Variants in TNFSF11 observed in about 807,000 individuals in gnomAD.
The protein encoded by TNFSF11 is tumor necrosis factor ligand superfamily member 11.
In TNFSF11, 12 loss-of-function variants were observed where a neutral mutation model predicts 32.2. The ratio of observed to expected loss-of-function variants is 0.37; its 90% confidence interval spans 0.24 to 0.60. The LOEUF is 0.60. TNFSF11 is among the 20% of genes least tolerant of loss of function. The pLI is 0.66. For missense variants in TNFSF11, 345 were observed against 398.0 expected (o/e 0.87, Z 1.13); for synonymous variants, 172 against 152.1 (o/e 1.13, Z -0.96).
At position 42,600,923 on chromosome 13, in the gene TNFSF11, C is replaced by G. The variant is rs766129528; in HGVS notation, c.474C>G (p.Ser158Arg). The G allele has an allele frequency of 6.2e-7, 1 of 1,614,126 alleles. No individual in the cohort carries two copies. The highest frequency in any genetic ancestry group is 1.1e-5 in the South Asian group (1 of 91,078). Residue 158 changes from serine (S) to arginine (R), a missense_variant, in exon 4 of 5, where the codon AGC becomes AGG. This residue lies in a region of TNFSF11 where 148 missense variants were observed against 216.0 expected (regional missense o/e 0.69). Transcript: ENST00000398795. ...CATGGTTAGATCTGGCCAAGAGGAG[C>G]AAGCTTGAAGCTCAGCCTTTTGCTC... is the stretch of plus-strand genomic sequence containing the variant. ...DGSWLDLAKR[S>R]KLEAQPFAHL...
chr13:42,594,201 C>CCATG (rs1256784763), intron 2 of TNFSF11, among the ~76,000 whole-genome samples: 1 of 151,972 alleles, frequency 6.6e-6, no homozygotes, highest in African/African-American at 2.4e-5. Flanking sequence ...GCCTTAGCCT[C>CCATG]CCGAGTACCT....
intron 2 of TNFSF11, among the ~76,000 whole-genome samples, chr13:42,582,652 T>C (rs890839003): frequency 6.6e-6 from 1 of 152,362 alleles, no homozygotes. Flanking sequence ...TACTTTTTCA[T>C]TATCATTAGT....
At chr13:42,567,296 G>A (rs1872904808) in intron 2 of TNFSF11, among the ~76,000 whole-genome samples, 1 of 152,156 alleles carries the variant, frequency 6.6e-6, no homozygotes, top group Non-Finnish European at 1.5e-5. Flanking sequence ...TTAGGAATAA[G>A]TCTGAGATAA....
At chr13:42,565,668 A>G (rs983952884) in intron 1 of TNFSF11, among the ~76,000 whole-genome samples, 1 of 152,250 alleles carries the variant, frequency 6.6e-6, no homozygotes, top group Non-Finnish European at 1.5e-5. Flanking sequence ...ATGGATGTTG[A>G]GGCTAAAGAC....
At chr13:42,602,777 T>G (rs1869248848) in intron 4 of TNFSF11, among the ~76,000 whole-genome samples, 2 of 152,246 alleles carry the variant, frequency 1.3e-5, no homozygotes. Flanking sequence ...ATCAGCTGTG[T>G]GTGCTATTAA....
At chr13:42,575,682 A>G (rs1873274957) in intron 1 of TNFSF11, among the ~76,000 whole-genome samples, 1 of 152,208 alleles carries the variant, frequency 6.6e-6, no homozygotes, top group South Asian at 2.1e-4. Context: ...TGCATTTTCT[A>G]GAACTAGTGT....
upstream of TNFSF11, among the ~76,000 whole-genome samples, chr13:42,572,513 A>G (rs1247451692): frequency 6.6e-6 from 1 of 152,148 alleles, no homozygotes; most frequent in Non-Finnish European, 1.5e-5. Flanking sequence ...GAGGGGGAGG[A>G]GGAGACAATA....
chr13:42,603,601 G>T (rs542191522), intron 4 of TNFSF11, among the ~76,000 whole-genome samples: 10 of 151,708 alleles, frequency 6.6e-5, no homozygotes, highest in Non-Finnish European at 1.3e-4. Context: ...CCTTTTCTCA[G>T]CCCATCCAAG....
chr13:42,597,855 C>A (rs6561062), intron 2 of TNFSF11, among the ~76,000 whole-genome samples: 134,907 of 152,008 alleles, frequency 0.89, 60,305 homozygotes, highest in East Asian at 1. Flanking sequence ...TCTTTCTTTT[C>A]TTTTCTTTTT....
At chr13:42,586,902 G>T (rs1873926247) in intron 2 of TNFSF11, among the ~76,000 whole-genome samples, 3 of 152,090 alleles carry the variant, frequency 2.0e-5, no homozygotes, top group Non-Finnish European at 4.4e-5. Context: ...TCATAATGTA[G>T]AATTCAGAAT....
At chr13:42,572,309 A>G (rs1873097920), upstream of TNFSF11, among the ~76,000 whole-genome samples, 1 of 152,248 alleles carries the variant, frequency 6.6e-6, no homozygotes, top group African/African-American at 2.4e-5. Context: ...AATTAAAAAC[A>G]TGTATAAAAC....
At chr13:42,584,230 G>C (rs1873776877) in intron 2 of TNFSF11, among the ~76,000 whole-genome samples, 1 of 152,190 alleles carries the variant, frequency 6.6e-6, no homozygotes, top group Admixed American at 6.5e-5. Context: ...GCGGCTTACT[G>C]TGTGTCTCTC....
chr13:42,584,927 A>G lies in TNFSF11; in HGVS notation c.387+3634A>G, dbSNP rs926061528. On this transcript the variant is annotated intron_variant, in intron 2 of 4. Transcript: ENST00000398795. Reference sequence around the variant, plus strand: ...GTTATACCAATGTGTGTTTGGAGGTAGAAGATGCCATTTCTTCCCCTTAGA... The same window carrying G: ...GTTATACCAATGTGTGTTTGGAGGTGGAAGATGCCATTTCTTCCCCTTAGA... 7.2e-5 allele frequency among the ~76,000 whole-genome samples: 11 copies of G among 152,356 alleles called. 1 individual carries two copies. The Middle Eastern group carries it at 0.01, about 141-fold the overall frequency.
chr13:42,575,068 G>C (rs371073713), intron 1 of TNFSF11, among the ~76,000 whole-genome samples: 5 of 152,266 alleles, frequency 3.3e-5, no homozygotes, highest in African/African-American at 1.2e-4. Context: ...TCGTGCCCAG[G>C]TCGCCCAATG....
chr13:42,572,266 C>T (rs1165337913), upstream of TNFSF11, among the ~76,000 whole-genome samples: 1 of 152,088 alleles, frequency 6.6e-6, no homozygotes, highest in African/African-American at 2.4e-5. Flanking sequence ...ATTTGAGGGA[C>T]TTTCTTGTAA....
At position 42,581,145 on chromosome 13, in the gene TNFSF11, C is replaced by T. The variant is rs138974661; in HGVS notation, c.239C>T (p.Ser80Leu). Residue 80 changes from serine (S) to leucine (L), a missense_variant, in exon 2 of 5, where the codon TCA becomes TTA. By Grantham distance (145) the Ser-to-Leu change is moderately radical (BLOSUM62 -2). Coordinates refer to ENST00000398795, the MANE Select transcript of TNFSF11 (RefSeq NM_003701.4). ...FRAQMDPNRI[S>L]EDGTHCIYRI... ...CCTCAGATGGATCCTAATAGAATAT[C>T]AGAAGATGGCACTCACTGCATTTAT... The T allele has an allele frequency of 1.2e-3, 1,873 of 1,614,050 alleles. 22 individuals are homozygous for T. In the African/African-American group the frequency reaches 0.022, roughly 19 times the overall value.
intron 4 of TNFSF11, among the ~76,000 whole-genome samples, chr13:42,601,961 T>C (rs1324589065): frequency 6.6e-6 from 1 of 152,228 alleles, no homozygotes; most frequent in Non-Finnish European, 1.5e-5. Context: ...TCCCGTCCCG[T>C]TGATTGCTAA....
chr13:42,574,303 C>A lies in TNFSF11; in HGVS notation c.-1C>A. 1 of 1,545,332 alleles carries A rather than the reference C, an allele frequency of 6.5e-7. No homozygotes were observed. Among genetic ancestry groups the A allele is most frequent in the Non-Finnish European group, 8.7e-7 (1 of 1,145,628 alleles). On this transcript the variant is annotated 5_prime_UTR_variant, in exon 1 of 5. Coordinates refer to ENST00000398795, the MANE Select transcript of TNFSF11 (RefSeq NM_003701.4). ...GCTCCGAAGCGAGAGGGCCGAGCGC[C>A]ATGCGCCGCGCCAGCAGAGACTACA...
chr13:42,562,881 G>A (rs914144801), exon 1 of TNFSF11: 4 of 152,274 alleles, frequency 2.6e-5, no homozygotes, highest in African/African-American at 9.6e-5. Context: ...GAAGAGGACA[G>A]TCTGAGGATC....
Sources: gnomAD v4.1 joint callset for allele counts (sites outside exome capture counted in the v4.1 genomes callset) on GRCh38, gnomAD v4.1.1 for gene constraint, gnomAD v4.1.1 regional missense constraint, MANE v1.5 for transcripts, NCBI Gene and HGNC (gene_info 2026-07-23, HGNC 2026-07-21) for gene names.